GPA33: variants seen among roughly 807,000 people sequenced by gnomAD.
GPA33 encodes the protein glycoprotein A33.
In GPA33, 27 loss-of-function variants were observed where a neutral mutation model predicts 35.6. That is an observed-to-expected ratio of 0.76 (90% CI 0.56 to 1.04). The LOEUF is 1.04. GPA33 is among the 50% of genes least tolerant of loss of function. The probability of loss-of-function intolerance (pLI) is 0.00; values close to 1 mark genes in which losing one functional copy is unlikely to be tolerated. For missense variants in GPA33, 428 were observed against 411.9 expected, an observed-to-expected ratio of 1.04 and a Z score of -0.34; for synonymous variants, 176 against 164.0, an observed-to-expected ratio of 1.07 and a Z score of -0.56.
intron 1 of GPA33, among the ~76,000 whole-genome samples, chr1:167,085,996 C>G (rs1316335797): frequency 6.6e-6 from 1 of 152,234 alleles, no homozygotes; most frequent in African/African-American, 2.4e-5. Context: ...GATGGGCAAC[C>G]AGGGTTGAGA....
intron 4 of GPA33, among the ~76,000 whole-genome samples, chr1:167,056,224 T>A (rs1169218113): frequency 6.6e-6 from 1 of 152,202 alleles, no homozygotes; most frequent in African/African-American, 2.4e-5. Context: ...CACAACAGAA[T>A]GCCTGATATG....
At chr1:167,064,245 T>C (rs1444389508) in intron 3 of GPA33, among the ~76,000 whole-genome samples, 3 of 151,576 alleles carry the variant, frequency 2.0e-5, no homozygotes, top group Non-Finnish European at 2.9e-5. Context: ...GATCGTGCCA[T>C]AGCACTCCAG....
Position 167,063,649 on chromosome 1 carries a change from T to C in GPA33, c.504A>G (p.Ser168=). The C allele has an allele frequency of 6.2e-7, 1 of 1,613,692 alleles. No homozygotes were observed. The highest frequency in any genetic ancestry group is 8.5e-7 in the Non-Finnish European group (1 of 1,179,882). ...TCTTCCAGCTGTACTGAGGGGTTGG[T>C]GAGCCCTCCTTTGATTGGCAGGTCA... ...IQLTCQSKEG[S]PTPQYSWKRY... The change falls in exon 4 of 7, where the codon TCA becomes TCG. Residue 168 remains serine (S), a synonymous_variant. Transcript: ENST00000367868.
chr1:167,056,846 T>TG, intron 4 of GPA33, among the ~76,000 whole-genome samples: 1 of 75,142 alleles, frequency 1.3e-5, no homozygotes, highest in Non-Finnish European at 2.9e-5. Context: ...GGTGAGTGTG[T>TG]AATGTGTGTG....
intron 4 of GPA33, among the ~76,000 whole-genome samples, chr1:167,056,734 GTGGTGTGT>G (rs1558001971): frequency 0.018 from 821 of 45,270 alleles, 1 homozygote; most frequent in East Asian, 0.027. Flanking sequence ...TGTGATGTAT[GTGGTGTGT>G]GTGGTGTGTG....
chr1:167,075,229 G>T (rs1364350395), intron 1 of GPA33, among the ~76,000 whole-genome samples: 2 of 152,078 alleles, frequency 1.3e-5, no homozygotes, highest in East Asian at 3.9e-4. Context: ...GATCATTCTG[G>T]CAAATGTGGG....
At chr1:167,084,373 G>T (rs1383239138) in intron 1 of GPA33, among the ~76,000 whole-genome samples, 1 of 152,212 alleles carries the variant, frequency 6.6e-6, no homozygotes, top group Non-Finnish European at 1.5e-5. Flanking sequence ...ACAAAGTGAT[G>T]ATCTGAATTT....
intron 2 of GPA33, among the ~76,000 whole-genome samples, chr1:167,070,516 A>C (rs1339947609): frequency 6.6e-6 from 1 of 152,174 alleles, no homozygotes; most frequent in African/African-American, 2.4e-5. Context: ...TGAGGTTCAA[A>C]CCGGGCATTG....
chr1:167,087,018 A>G (rs924112201), intron 1 of GPA33, among the ~76,000 whole-genome samples: 1 of 152,148 alleles, frequency 6.6e-6, no homozygotes, highest in Non-Finnish European at 1.5e-5. Flanking sequence ...GGCACATTGC[A>G]GCACATCAAA....
In GPA33 at chr1:167,055,863, A is replaced by C; in HGVS notation, c.572-14T>G. 1 of 1,613,798 alleles carries C rather than the reference A, an allele frequency of 6.2e-7. No homozygotes were observed. The highest frequency in any genetic ancestry group is 8.5e-7 in the Non-Finnish European group (1 of 1,179,820). On this transcript the variant is annotated splice_polypyrimidine_tract_variant and intron_variant, in intron 4 of 6. Coordinates refer to ENST00000367868, the MANE Select transcript of GPA33 (RefSeq NM_005814.3). ...GCTGACCTGAGGCTGCAGGGGAAGA[A>C]GAGTCAGGGTGAAGAGAGGCACTAC...
intron 3 of GPA33, among the ~76,000 whole-genome samples, chr1:167,065,376 G>T (rs1666569130): frequency 6.6e-6 from 1 of 152,206 alleles, no homozygotes; most frequent in African/African-American, 2.4e-5. Context: ...AGGCTCAGAG[G>T]CAAGAAGCAG....
intron 1 of GPA33, among the ~76,000 whole-genome samples, chr1:167,076,127 C>G (rs1571316095): frequency 6.6e-6 from 1 of 152,106 alleles, no homozygotes; most frequent in South Asian, 2.1e-4. Context: ...GCTATAGGGT[C>G]AAGAGGAGTT....
chr1:167,071,159 T>C (rs962641433), intron 2 of GPA33, among the ~76,000 whole-genome samples: 1 of 152,058 alleles, frequency 6.6e-6, no homozygotes, highest in African/African-American at 2.4e-5. Context: ...ACCAAGTTAC[T>C]TCATTTGAAG....
intron 4 of GPA33, among the ~76,000 whole-genome samples, chr1:167,060,309 G>A (rs1014402698): frequency 1.3e-5 from 2 of 152,150 alleles, no homozygotes; most frequent in African/African-American, 4.8e-5. Flanking sequence ...CTGTACTCAA[G>A]CGATCCACCC....
At chr1:167,071,084 G>A (rs72689401) in intron 2 of GPA33, among the ~76,000 whole-genome samples, 1,633 of 152,188 alleles carry the variant, frequency 0.011, 14 homozygotes, top group Non-Finnish European at 0.016. Flanking sequence ...ATGACATGTC[G>A]ATGTTCACTG....
rs1666168177 is a variant in GPA33 at position 167,053,865 on chromosome 1, T to G, written c.*469A>C. The G allele has an allele frequency of 6.3e-6, 1 of 159,538 alleles. No homozygotes were observed. The highest frequency in any genetic ancestry group is 6.1e-5 in the Admixed American group (1 of 16,296). 9.9% of individuals were successfully genotyped at this position (159,538 alleles called of 1,614,324 possible). ...GCAGGGCCCAAGCATACTCACTTAT[T>G]CTTTCATTCATTCAAGAAAGATGTG... On this transcript the variant is annotated 3_prime_UTR_variant, in exon 7 of 7. Transcript: ENST00000367868.
At chr1:167,056,785 A>ATATAT (rs1246869315) in intron 4 of GPA33, among the ~76,000 whole-genome samples, 2 of 1,618 alleles carry the variant, frequency 1.2e-3, no homozygotes, top group African/African-American at 5.3e-3. Context: ...TGGCATGTGT[A>ATATAT]GTGTGGTGCG....
rs114227241 is a variant in GPA33, at chr1:167,055,707, C to T, written c.691+23G>A. On this transcript the variant is annotated intron_variant, in intron 5 of 6. Coordinates refer to ENST00000367868, the MANE Select transcript of GPA33 (RefSeq NM_005814.3). The stretch of plus-strand genomic sequence containing the variant: ...AGTTATCCTGTGGCGTTTGTCAGCC[C>T]TCCCCCCGCAGGCTGCTCTTACGAG... 1,030 of 1,612,778 alleles carry T rather than the reference C, an allele frequency of 6.4e-4. 6 individuals are homozygous for T. In the African/African-American group the frequency reaches 0.013, roughly 20 times the overall value.
intron 1 of GPA33, among the ~76,000 whole-genome samples, chr1:167,081,007 G>A (rs764452385): frequency 9.2e-5 from 14 of 152,278 alleles, no homozygotes; most frequent in South Asian, 4.2e-4. Context: ...GATGAGAAGT[G>A]GAGTCTGCAA....
Sources: allele counts gnomAD v4.1 joint callset (sites outside exome capture counted in the v4.1 genomes callset), GRCh38; gene constraint gnomAD v4.1.1; transcripts MANE v1.5; gene names NCBI Gene and HGNC (gene_info 2026-07-23, HGNC 2026-07-21).